The following EXPH5 variants were observed in gnomAD, a reference collection of about 807,000 sequenced individuals.
The protein encoded by EXPH5 is exophilin-5.
Under a neutral mutation model 41.1 loss-of-function variants are expected in EXPH5, and 42 were observed. That is an observed-to-expected ratio of 1.02 (90% CI 0.80 to 1.32). EXPH5 has a LOEUF of 1.32. EXPH5 is among the 40% of genes most tolerant of loss of function. The pLI, the probability that EXPH5 is intolerant of heterozygous loss-of-function variation, is 0.00. For synonymous variants in EXPH5, 798 were observed against 833.5 expected, an observed-to-expected ratio of 0.96 and a Z score of 0.73; for missense variants, 2,298 against 2,314.5, an observed-to-expected ratio of 0.99 and a Z score of 0.15.
chr11:108,539,234 ATATACTT>A, intron 2 of EXPH5, 48 bp from the exon 3 acceptor site: 1 of 1,333,140 alleles, frequency 7.5e-7, no homozygotes, highest in Non-Finnish European at 1.0e-6. Context: ...TTCCAAGTAA[ATATACTT>A]GAAAGAATGA....
Position 108,510,430 on chromosome 11 carries a change from T to C in EXPH5, c.5077A>G (p.Asn1693Asp). The C allele has an allele frequency of 6.2e-7, 1 of 1,614,066 alleles. No individual in the cohort carries two copies. The highest frequency in any genetic ancestry group is 8.5e-7 in the Non-Finnish European group (1 of 1,179,998). Residue 1693 changes from asparagine to aspartate, a missense_variant, in exon 6 of 6, where the codon AAC becomes GAC. Physicochemically the swap from Asn to Asp is conservative, Grantham distance 23. Transcript: ENST00000265843. ...TTCTGATGTCGTTGTGAAATGCTGTTAGACTTCTGGTTGCTGACGTGTGTA... is the reference window on the plus strand; with the variant it reads ...TTCTGATGTCGTTGTGAAATGCTGTCAGACTTCTGGTTGCTGACGTGTGTA... ...PSTHVSNQKS[N>D]SISQRHQNEF...
chr11:108,584,484 A>C (rs899933207), intron 1 of EXPH5, among the ~76,000 whole-genome samples: 4 of 152,182 alleles, frequency 2.6e-5, no homozygotes, highest in African/African-American at 9.7e-5. Context: ...TCTCAAAAAA[A>C]AAAAAAGGGA....
At position 108,511,890 on chromosome 11, in the gene EXPH5, G is replaced by T. The variant is rs1490358892; in HGVS notation, c.3617C>A (p.Ser1206Ter). ...AASRRSVFAL[S>*]NEDPLPFCSD... is the part of the protein sequence containing the mutation. ...GCAAAAAGGTAAAGGGTCTTCATTT[G>T]AAAGAGCAAATACACTTCTCCTGGA... is the stretch of plus-strand genomic sequence containing the variant. Residue 1206 changes from serine (S) to a stop codon, truncating the protein, a stop_gained, in exon 6 of 6, where the codon TCA (serine) becomes TAA (stop). Transcript: ENST00000265843. LOFTEE classifies it low-confidence loss of function (END_TRUNC). The T allele has an allele frequency of 6.3e-7, 1 of 1,588,094 alleles. No homozygotes were observed. The highest frequency in any genetic ancestry group is 1.9e-5 in the Admixed American group (1 of 53,050).
chr11:108,553,547 C>T (rs1380302960), intron 1 of EXPH5, among the ~76,000 whole-genome samples: 1 of 152,184 alleles, frequency 6.6e-6, no homozygotes, highest in Non-Finnish European at 1.5e-5. Context: ...TTGGAAATCA[C>T]CCACTGTAAC....
intron 1 of EXPH5, among the ~76,000 whole-genome samples, chr11:108,553,354 C>CACCAATAGTCACCCTTT (rs1219859255): frequency 9.2e-5 from 14 of 152,182 alleles, no homozygotes; most frequent in African/African-American, 3.4e-4. Flanking sequence ...CTTGGTCTCT[C>CACCAATAGTCACCCTTT]ACCAATAGTC....
chr11:108,548,955 G>C (rs549814884), intron 1 of EXPH5, among the ~76,000 whole-genome samples: 48 of 151,556 alleles, frequency 3.2e-4, no homozygotes, highest in Non-Finnish European at 5.3e-4. Context: ...GTTTGACAAA[G>C]ATAACATTTG....
intron 3 of EXPH5, among the ~76,000 whole-genome samples, chr11:108,536,958 C>T (rs1049251206): frequency 6.6e-6 from 1 of 152,200 alleles, no homozygotes; most frequent in Admixed American, 6.5e-5. Context: ...AGAAGCCTGA[C>T]TGTTGCCTGC....
chr11:108,524,229 A>T (rs1433257626), intron 4 of EXPH5, among the ~76,000 whole-genome samples: 2 of 152,222 alleles, frequency 1.3e-5, no homozygotes, highest in African/African-American at 4.8e-5. Flanking sequence ...CAAGTTATCT[A>T]ATCTCTTTGT....
chr11:108,519,915 C>T, intron 4 of EXPH5, among the ~76,000 whole-genome samples: 1 of 131,758 alleles, frequency 7.6e-6, no homozygotes, highest in African/African-American at 2.8e-5. Context: ...CGTGCCACTG[C>T]ACTCCAGGCT....
intron 1 of EXPH5, among the ~76,000 whole-genome samples, chr11:108,554,063 CTTT>C (rs34487456): frequency 1.5e-4 from 21 of 139,094 alleles, no homozygotes; most frequent in Admixed American, 3.6e-4. Context: ...GGCCCCTGAC[CTTT>C]TTTTTTTTTT....
rs1406452103 is a variant in EXPH5, at chr11:108,513,566, C to T, written c.1941G>A (p.Gln647=). ...TTTTCTGCAAAGTGACTGTGGGATT[C>T]TGCAAGTTGGGACTCTGAGGATTCC... The part of the protein sequence containing the change: ...DRRNPQSPNL[Q]NPTVTLQKIF... The change falls in exon 6 of 6, where the codon CAG becomes CAA. Residue 647 remains glutamine, a synonymous_variant. Transcript: ENST00000265843. 1 of 1,614,172 alleles carries T rather than the reference C, an allele frequency of 6.2e-7. No individual in the cohort carries two copies. The highest frequency in any genetic ancestry group is 1.1e-5 in the South Asian group (1 of 91,076).
At chr11:108,594,923 T>C (rs551644831), upstream of EXPH5, among the ~76,000 whole-genome samples, 2 of 152,256 alleles carry the variant, frequency 1.3e-5, no homozygotes, top group Non-Finnish European at 2.9e-5. Flanking sequence ...TGTGGGTGTC[T>C]GTTATTTGTG....
chr11:108,529,489 C>T (rs1010694886), intron 3 of EXPH5, among the ~76,000 whole-genome samples: 3 of 152,120 alleles, frequency 2.0e-5, no homozygotes, highest in South Asian at 2.1e-4. Context: ...TGAGCCACTG[C>T]GTCTGGCATA....
chr11:108,573,407 G>A (rs574000204), intron 1 of EXPH5, among the ~76,000 whole-genome samples: 1 of 152,272 alleles, frequency 6.6e-6, no homozygotes, highest in South Asian at 2.1e-4. Flanking sequence ...CGTAGAAAAT[G>A]GGAAGAGGAA....
chr11:108,596,239 C>T (rs2094138792), upstream of EXPH5, among the ~76,000 whole-genome samples: 1 of 151,656 alleles, frequency 6.6e-6, no homozygotes, highest in Non-Finnish European at 1.5e-5. Flanking sequence ...TAGCAGTAGA[C>T]AAGAAGAGTA....
chr11:108,542,761 C>G (rs2093919327), intron 1 of EXPH5, among the ~76,000 whole-genome samples: 1 of 152,172 alleles, frequency 6.6e-6, no homozygotes, highest in Non-Finnish European at 1.5e-5. Context: ...CTCTGTCACC[C>G]AGGCTGGAGC....
Position 108,510,509 on chromosome 11 carries a change from C to T in EXPH5, c.4998G>A (p.Val1666=), listed in dbSNP as rs2093671641. Residue 1666 remains valine, a synonymous_variant, in exon 6 of 6, where the codon GTG becomes GTA. Coordinates refer to ENST00000265843, the MANE Select transcript of EXPH5 (RefSeq NM_015065.3). The part of the protein sequence containing the change: ...ESRLSENGKH[V]KKSENLLPIT... Reference sequence around the variant, plus strand: ...TGGGGAGAAGGTTCTCGGATTTCTTCACATGCTTTCCGTTCTCACTCAACC... The same window carrying T: ...TGGGGAGAAGGTTCTCGGATTTCTTTACATGCTTTCCGTTCTCACTCAACC... 6.2e-7 allele frequency: 1 copy of T among 1,614,178 alleles called. No individual in the cohort carries two copies. The highest frequency in any genetic ancestry group is 1.3e-5 in the African/African-American group (1 of 75,036).
intron 1 of EXPH5, among the ~76,000 whole-genome samples, chr11:108,583,077 A>G (rs2094103256): frequency 6.6e-6 from 1 of 152,200 alleles, no homozygotes; most frequent in Non-Finnish European, 1.5e-5. Flanking sequence ...ATATTCTAAA[A>G]TCAATTACTG....
chr11:108,553,779 C>G (rs2093978887), intron 1 of EXPH5, among the ~76,000 whole-genome samples: 1 of 152,138 alleles, frequency 6.6e-6, no homozygotes, highest in Non-Finnish European at 1.5e-5. Context: ...CGAAGCAGTT[C>G]AGTTGCTATT....
Sources: gnomAD v4.1 joint callset for allele counts (sites outside exome capture counted in the v4.1 genomes callset) on GRCh38, gnomAD v4.1.1 for gene constraint, MANE v1.5 for transcripts, NCBI Gene and HGNC (gene_info 2026-07-23, HGNC 2026-07-21) for gene names.